DAB2IP: variants seen among roughly 807,000 people sequenced by gnomAD.
DAB2IP encodes DAB2 interacting protein, also known as disabled homolog 2-interacting protein.
In DAB2IP, 28 loss-of-function variants were observed where a neutral mutation model predicts 107.2. The ratio of observed to expected loss-of-function variants is 0.26; its 90% CI spans 0.19 to 0.36. The LOEUF (loss-of-function observed/expected upper bound fraction) is 0.36. Ranked by LOEUF, DAB2IP falls within the 10% of genes least tolerant of loss-of-function variation. The pLI, the probability that DAB2IP is intolerant of heterozygous loss-of-function variation, is 1.00. For missense variants in DAB2IP, 1,400 were observed against 1,644.7 expected (o/e 0.85, Z 2.57); for synonymous variants, 755 against 706.4 (o/e 1.07, Z -1.09).
chr9:121,781,572 G>A (rs778786587), intron 15 of DAB2IP, 21 bp downstream of exon 15: 1 of 1,612,250 alleles, frequency 6.2e-7, no homozygotes, highest in South Asian at 1.1e-5. Context: ...CGGCCCTTTG[G>A]TCAGCCACAA....
intron 1 of DAB2IP, among the ~76,000 whole-genome samples, chr9:121,613,136 G>A (rs1831152576): frequency 6.6e-6 from 1 of 152,242 alleles, no homozygotes; most frequent in Admixed American, 6.5e-5. Flanking sequence ...CCCTCAGGCA[G>A]GTCCTTCTGC....
rs1829760951 is a variant in DAB2IP, at chr9:121,701,147, G to A, written c.362+1689G>A. 6.6e-6 allele frequency among the ~76,000 whole-genome samples: 1 copy of A among 152,238 alleles called. No homozygotes were observed. On this transcript the variant is annotated intron_variant, in intron 3 of 15. Coordinates refer to ENST00000408936, the Ensembl canonical transcript of DAB2IP. The surrounding 1 kb of genome is among the most constrained non-coding windows in gnomAD (Gnocchi z 4.7). ...CCCGTTTTGTGTGCATGTGGTGGTT[G>A]TCCGGGGAGCAGGAGAGACAACAGG...
chr9:121,604,240 A>G (rs1411465645), intron 1 of DAB2IP, among the ~76,000 whole-genome samples: 1 of 152,152 alleles, frequency 6.6e-6, no homozygotes, highest in African/African-American at 2.4e-5. Flanking sequence ...AAGCCATCAC[A>G]TGTCTCTCCT....
At chr9:121,734,022 T>C (rs879772949) in intron 3 of DAB2IP, among the ~76,000 whole-genome samples, 3 of 152,200 alleles carry the variant, frequency 2.0e-5, no homozygotes, top group African/African-American at 7.2e-5. Context: ...GCTTCTGAAA[T>C]TCCCCCAGCT....
chr9:121,720,636 G>A (rs538545089), intron 3 of DAB2IP, among the ~76,000 whole-genome samples: 1 of 152,258 alleles, frequency 6.6e-6, no homozygotes, highest in South Asian at 2.1e-4. Flanking sequence ...ACACCCTGGA[G>A]GCTGACAGCT....
intron 1 of DAB2IP, among the ~76,000 whole-genome samples, chr9:121,602,133 G>C (rs1431961415): frequency 6.6e-6 from 1 of 152,176 alleles, no homozygotes; most frequent in African/African-American, 2.4e-5. Flanking sequence ...GTGGAATATA[G>C]TTTTCAACAG....
chr9:121,601,905 T>C (rs10985328), intron 1 of DAB2IP, among the ~76,000 whole-genome samples: 33,040 of 145,012 alleles, frequency 0.23, 4,336 homozygotes, highest in South Asian at 0.39. Flanking sequence ...TGTGTGTGTG[T>C]GCGCGTGCGT....
chr9:121,697,909 G>A (rs997889759), intron 2 of DAB2IP, among the ~76,000 whole-genome samples: 2 of 152,184 alleles, frequency 1.3e-5, no homozygotes, highest in Admixed American at 6.5e-5. Flanking sequence ...GGGTGTCCTT[G>A]GGTAAGTCAC....
At chr9:121,638,765 T>C (rs536653695) in intron 1 of DAB2IP, among the ~76,000 whole-genome samples, 1 of 152,034 alleles carries the variant, frequency 6.6e-6, no homozygotes, top group Non-Finnish European at 1.5e-5. Flanking sequence ...TCCCCAAAGG[T>C]AGAGATGGCG....
chr9:121,670,055 A>T (rs1833614034), intron 1 of DAB2IP, among the ~76,000 whole-genome samples: 1 of 152,054 alleles, frequency 6.6e-6, no homozygotes, highest in East Asian at 1.9e-4. Flanking sequence ...CTCCCCCTTT[A>T]ACATCACATC....
chr9:121,612,548 C>T (rs917152525), intron 1 of DAB2IP, among the ~76,000 whole-genome samples: 10 of 152,044 alleles, frequency 6.6e-5, no homozygotes, highest in African/African-American at 1.9e-4. Context: ...TGTAAGTCAC[C>T]GGGGTGAGTG....
rs1832422199 is a variant in DAB2IP at position 121,742,456 on chromosome 9, C to G, written c.363-14557C>G. Among the ~76,000 whole-genome samples the G allele has an allele frequency of 2.0e-5, 3 of 152,314 alleles. No homozygotes were observed. The South Asian group carries it at 6.2e-4, about 32-fold the overall frequency. ...AAAAAAGAAGATAGCCACACAGCAC[C>G]TACTGTGGGCCCAGCCACTCCAGGT... On this transcript the variant is annotated intron_variant, in intron 3 of 15. Coordinates refer to ENST00000408936, the Ensembl canonical transcript of DAB2IP.
chr9:121,604,736 G>A (rs1016820259), intron 1 of DAB2IP, among the ~76,000 whole-genome samples: 10 of 152,150 alleles, frequency 6.6e-5, no homozygotes, highest in East Asian at 1.9e-4. Context: ...TTTGCCTGTC[G>A]TTGTCCGCTG....
At chr9:121,668,407 T>G (rs1169733022) in intron 1 of DAB2IP, among the ~76,000 whole-genome samples, 1 of 152,068 alleles carries the variant, frequency 6.6e-6, no homozygotes. Context: ...CTGGCTAAAT[T>G]TTTAACTTTT....
chr9:121,759,634 T>C (rs1833742474), intron 5 of DAB2IP, among the ~76,000 whole-genome samples: 1 of 152,176 alleles, frequency 6.6e-6, no homozygotes, highest in South Asian at 2.1e-4. Flanking sequence ...CTTAGTGCCG[T>C]TTCATAGACA....
Position 121,702,010 on chromosome 9 carries a change from G to A in DAB2IP, c.362+2552G>A, listed in dbSNP as rs980038722. ...TGGGTGGGACACGAGTGGGAAGGAC[G>A]GTGGGGGCTTCTAGGGTGTCGAGCG... On this transcript the variant is annotated intron_variant, in intron 3 of 15. Coordinates refer to ENST00000408936, the Ensembl canonical transcript of DAB2IP. The surrounding 1 kb of genome is among the most constrained non-coding windows in gnomAD (Gnocchi z 4.5). Among the ~76,000 whole-genome samples, 4 of 152,200 alleles carry A rather than the reference G, an allele frequency of 2.6e-5. No individual in the cohort carries two copies. Among genetic ancestry groups the A allele is most frequent in the Admixed American group, 6.5e-5 (1 of 15,292 alleles).
At chr9:121,644,878 C>T (rs957920525) in intron 1 of DAB2IP, among the ~76,000 whole-genome samples, 2 of 152,222 alleles carry the variant, frequency 1.3e-5, no homozygotes, top group African/African-American at 2.4e-5. Flanking sequence ...GAGCTGACTA[C>T]AGGGCCCGTT....
In DAB2IP at chr9:121,634,315, C is replaced by T. The variant is rs1436441672; in HGVS notation, c.41-44363C>T. On this transcript the variant is annotated intron_variant, in intron 1 of 16. Coordinates refer to the DAB2IP transcript ENST00000259371. This position sits in a 1 kb window ranked among gnomAD's most constrained non-coding sequence, Gnocchi z 4.7. ...GGAGAGATGGAGGAGGCAGAGGCCC[C>T]GGCCGGCCACACTTGACCCCGCCTT... is the stretch of plus-strand genomic sequence containing the variant. Among the ~76,000 whole-genome samples, 4 of 152,186 alleles carry T rather than the reference C, an allele frequency of 2.6e-5. No homozygotes were observed. Among genetic ancestry groups the T allele is most frequent in the African/African-American group, 4.8e-5 (2 of 41,444 alleles).
intron 1 of DAB2IP, among the ~76,000 whole-genome samples, chr9:121,595,174 T>C (rs1467976772): frequency 6.6e-6 from 1 of 151,872 alleles, no homozygotes; most frequent in Non-Finnish European, 1.5e-5. Flanking sequence ...GTTATTAAAA[T>C]ACGGAAACTG....
Sources: allele counts gnomAD v4.1 joint callset (sites outside exome capture counted in the v4.1 genomes callset), GRCh38; gene constraint gnomAD v4.1.1; non-coding constraint Gnocchi (gnomAD v3.1); transcripts MANE v1.5; gene names NCBI Gene and HGNC (gene_info 2026-07-23, HGNC 2026-07-21).